Variants in SPATC1 observed in about 807,000 individuals in gnomAD.
SPATC1 encodes speriolin.
SPATC1 carries 35 observed loss-of-function variants against 36.5 expected under a neutral mutation model. The observed-to-expected ratio is 0.96, with a 90% CI of 0.73 to 1.27. The LOEUF (loss-of-function observed/expected upper bound fraction) is 1.27, where lower values mean the gene tolerates loss of function less well. Ranked by LOEUF, SPATC1 falls within the 50% of genes most tolerant of loss-of-function variation. The pLI is 0.00. For missense variants in SPATC1, 779 were observed against 796.0 expected, an observed-to-expected ratio of 0.98 and a Z score of 0.26; for synonymous variants, 361 against 353.6, an observed-to-expected ratio of 1.02 and a Z score of -0.24.
chr8:144,039,653 T>C (rs1256682810), intron 1 of SPATC1, among the ~76,000 whole-genome samples: 1 of 152,008 alleles, frequency 6.6e-6, no homozygotes, highest in Non-Finnish European at 1.5e-5. Context: ...GACCCAAAAA[T>C]CAGGGCTGGA....
At position 144,041,232 on chromosome 8, in the gene SPATC1, A is replaced by G. The variant is rs1835089310; in HGVS notation, c.1307A>G (p.Glu436Gly). The G allele has an allele frequency of 6.2e-7, 1 of 1,613,274 alleles. No individual in the cohort carries two copies. Reference protein sequence around the residue: ...KTSKFPENPRESKQLAWERLV... With the variant: ...KTSKFPENPRGSKQLAWERLV... ...GGCTGACGAGACCCTGTGTCCCCAG[A>G]GTCGAAGCAGCTGGCCTGGGAGAGG... Residue 436 changes from glutamate (E) to glycine (G), a missense_variant and splice_region_variant, in exon 4 of 5, where the codon GAG (glutamate) becomes GGG (glycine). Physicochemically the swap from Glu to Gly is moderately conservative, Grantham distance 98. Transcript: ENST00000377470.
At chr8:144,039,125 T>C (rs979984299) in intron 1 of SPATC1, among the ~76,000 whole-genome samples, 1 of 152,158 alleles carries the variant, frequency 6.6e-6, no homozygotes, top group Non-Finnish European at 1.5e-5. Flanking sequence ...AAAGTGGAAG[T>C]TCTCAATGAA....
chr8:144,041,171 G>T (rs1835087021), intron 3 of SPATC1, 61 bp from the exon 4 acceptor site: 2 of 1,600,150 alleles, frequency 1.2e-6, no homozygotes, highest in Non-Finnish European at 1.7e-6. Flanking sequence ...CGCCTGCCTG[G>T]GCTGCTGAGC....
In SPATC1 at chr8:144,046,578, G is replaced by A; in HGVS notation, c.1447-49G>A. ...CTCGGTCTTCCCCTTACCTGCCTGT[G>A]TGTGGAGGTGTGGCAAGGGAGGGTC... is the stretch of plus-strand genomic sequence containing the variant. On this transcript the variant is annotated intron_variant, in intron 4 of 4. Transcript: ENST00000377470. The surrounding 1 kb of genome is among the most constrained non-coding windows in gnomAD (Gnocchi z 6.6). The A allele has an allele frequency of 2.0e-6, 3 of 1,537,774 alleles. No homozygotes were observed. The highest frequency in any genetic ancestry group is 1.2e-5 in the South Asian group (1 of 84,916).
Position 144,046,874 on chromosome 8 carries a change from G to A in SPATC1, c.1694G>A (p.Gly565Asp). ...QRVVVETVHP[G>D]MLADALLLLS... ...GTGGTGGTGGAGACCGTGCACCCCG[G>A]CATGCTCGCCGACGCGCTGCTGCTG... The change falls in exon 5 of 5, where the codon GGC becomes GAC. Residue 565 changes from glycine (G) to aspartate (D), a missense_variant. Coordinates refer to ENST00000377470, the MANE Select transcript of SPATC1 (RefSeq NM_198572.3). This position sits in a 1 kb window ranked among gnomAD's most constrained non-coding sequence, Gnocchi z 6.6. 12 of 1,600,500 alleles carry A rather than the reference G, an allele frequency of 7.5e-6. No individual in the cohort carries two copies. Among genetic ancestry groups the A allele is most frequent in the Non-Finnish European group, 9.3e-6 (11 of 1,179,806 alleles).
At chr8:144,025,046 C>T (rs1834648418) in intron 1 of SPATC1, among the ~76,000 whole-genome samples, 1 of 151,026 alleles carries the variant, frequency 6.6e-6, no homozygotes, top group Non-Finnish European at 1.5e-5. Context: ...GGACCCTCTC[C>T]CCCTAGGACC....
chr8:144,029,733 T>C (rs975611363), intron 1 of SPATC1, among the ~76,000 whole-genome samples: 2 of 152,228 alleles, frequency 1.3e-5, no homozygotes, highest in South Asian at 2.1e-4. Context: ...TTGTGATCCA[T>C]CCTGGAGAAT....
At position 144,046,749 on chromosome 8, in the gene SPATC1, G is replaced by C; in HGVS notation, c.1569G>C (p.Ala523=). 4 of 1,611,880 alleles carry C rather than the reference G, an allele frequency of 2.5e-6. No individual in the cohort carries two copies. Among genetic ancestry groups the C allele is most frequent in the Non-Finnish European group, 3.4e-6 (4 of 1,179,990 alleles). Residue 523 remains alanine (A), a synonymous_variant, in exon 5 of 5, where the codon GCG becomes GCC. Transcript: ENST00000377470. This position sits in a 1 kb window ranked among gnomAD's most constrained non-coding sequence, Gnocchi z 6.6. The stretch of plus-strand genomic sequence containing the variant: ...GCTACAACGGGCGGGTGCACCCTGC[G>C]CTGACCGAGCAGCTGGTGAACGCTT... ...SLGYNGRVHP[A]LTEQLVNAYG... is the part of the protein sequence containing the mutation.
At chr8:144,021,093 C>T (rs1251765445) in intron 1 of SPATC1, among the ~76,000 whole-genome samples, 5 of 118 alleles carry the variant, frequency 0.042, 1 homozygote, top group Admixed American at 0.083. Flanking sequence ...CCCAGGACCC[C>T]ATCCCCTCAT....
In SPATC1 at chr8:144,041,033, C is replaced by T. The variant is rs781835810; in HGVS notation, c.1232C>T (p.Ser411Leu). 2.5e-5 allele frequency: 40 copies of T among 1,610,722 alleles called. No homozygotes were observed. Among genetic ancestry groups the T allele is most frequent in the South Asian group, 2.4e-4 (22 of 90,768 alleles). ...DSRGPRTTEPSTKSMMEVERK... is the reference protein window; with the variant it reads ...DSRGPRTTEPLTKSMMEVERK... ...CGAGGTCCACGCACCACAGAACCGT[C>T]GACGAAGAGCATGATGGAGGTGGAA... is the stretch of plus-strand genomic sequence containing the variant. The change falls in exon 3 of 5, where the codon TCG becomes TTG. Residue 411 changes from serine (S) to leucine (L), a missense_variant. Ser to Leu is a moderately radical substitution (Grantham distance 145). Transcript: ENST00000377470.
At chr8:144,024,328 C>T (rs1834627735) in intron 1 of SPATC1, among the ~76,000 whole-genome samples, 1 of 142,948 alleles carries the variant, frequency 7.0e-6, no homozygotes, top group African/African-American at 2.6e-5. Context: ...CCCAGGACCG[C>T]CTTCTTTCAG....
At position 144,012,721 on chromosome 8, in the gene SPATC1, A is replaced by G. The variant is rs377687874; in HGVS notation, c.206A>G (p.Asn69Ser). ...ACAGCAGGCCTTTCCTCACGCCAGAACAATGGTAAGAGGCCTCGCTCCCAA... is the reference window on the plus strand; with the variant it reads ...ACAGCAGGCCTTTCCTCACGCCAGAGCAATGGTAAGAGGCCTCGCTCCCAA... Reference protein sequence around the residue: ...EATAGLSSRQNNGVFLPPSPA... With the variant: ...EATAGLSSRQSNGVFLPPSPA... The change falls in exon 1 of 5, where the codon AAC becomes AGC. Residue 69 changes from asparagine (N) to serine (S), a missense_variant. Physicochemically the swap from Asn to Ser is conservative, Grantham distance 46. Coordinates refer to ENST00000377470, the MANE Select transcript of SPATC1 (RefSeq NM_198572.3). 3 of 1,551,714 alleles carry G rather than the reference A, an allele frequency of 1.9e-6. No individual in the cohort carries two copies. The highest frequency in any genetic ancestry group is 2.6e-6 in the Non-Finnish European group (3 of 1,146,980).
intron 1 of SPATC1, among the ~76,000 whole-genome samples, 164 bp from the exon 2 acceptor site, chr8:144,039,745 C>A (rs1055443320): frequency 2.6e-5 from 4 of 152,158 alleles, no homozygotes; most frequent in Non-Finnish European, 5.9e-5. Flanking sequence ...ACCACCCTGG[C>A]CTGCCTAAGA....
rs567229953 is a variant in SPATC1 at position 144,046,888 on chromosome 8, G to C, written c.1708G>C (p.Ala570Pro). ...CGTGCACCCCGGCATGCTCGCCGAC[G>C]CGCTGCTGCTGCTCTCCTGCCTCAG... ...ETVHPGMLAD[A>P]LLLLSCLSQL... The change falls in exon 5 of 5, where the codon GCG (alanine) becomes CCG (proline). Residue 570 changes from alanine (A) to proline (P), a missense_variant. Transcript: ENST00000377470. This position sits in a 1 kb window ranked among gnomAD's most constrained non-coding sequence, Gnocchi z 6.6. 1 of 1,599,550 alleles carries C rather than the reference G, an allele frequency of 6.3e-7. No individual in the cohort carries two copies. Among genetic ancestry groups the C allele is most frequent in the African/African-American group, 1.3e-5 (1 of 74,932 alleles).
At position 144,034,244 on chromosome 8, in the gene SPATC1, C is replaced by T. The variant is rs1376431642; in HGVS notation, c.212-5665C>T. On this transcript the variant is annotated intron_variant, in intron 1 of 4. Transcript: ENST00000377470. ...TGCCACCAAGAGGACTGGGCATGCA[C>T]GGGCCTCCATAGCACAGGCTGGGAA... Among the ~76,000 whole-genome samples, 5 of 152,254 alleles carry T rather than the reference C, an allele frequency of 3.3e-5. No individual in the cohort carries two copies. In the South Asian group the frequency reaches 6.2e-4, roughly 19 times the overall value.
At position 144,046,813 on chromosome 8, in the gene SPATC1, G is replaced by A. The variant is rs1554756875; in HGVS notation, c.1633G>A (p.Glu545Lys). Residue 545 changes from glutamate (E) to lysine (K), a missense_variant, in exon 5 of 5, where the codon GAG becomes AAG. Coordinates refer to ENST00000377470, the MANE Select transcript of SPATC1 (RefSeq NM_198572.3). This position sits in a 1 kb window ranked among gnomAD's most constrained non-coding sequence, Gnocchi z 6.6. ...LRERPELAAS[E>K]GGPYTVDFLQ... is the part of the protein sequence containing the mutation. ...AGAGCGCCCGGAGCTGGCGGCGTCT[G>A]AGGGCGGCCCCTACACCGTGGACTT... 1 of 1,605,484 alleles carries A rather than the reference G, an allele frequency of 6.2e-7. No homozygotes were observed. Among genetic ancestry groups the A allele is most frequent in the Non-Finnish European group, 8.5e-7 (1 of 1,179,924 alleles).
chr8:144,018,367 T>C (rs1834432788), intron 1 of SPATC1, among the ~76,000 whole-genome samples: 1 of 152,128 alleles, frequency 6.6e-6, no homozygotes, highest in Non-Finnish European at 1.5e-5. Context: ...ATGGAGATAC[T>C]TAATTCAAGG....
intron 1 of SPATC1, among the ~76,000 whole-genome samples, chr8:144,034,503 AAAG>A (rs1834859651): frequency 6.6e-6 from 1 of 152,182 alleles, no homozygotes; most frequent in East Asian, 1.9e-4. Flanking sequence ...ATGAAAATAT[AAAG>A]AAGAAAAAAA....
rs139065929 is a variant in SPATC1 at position 144,046,981 on chromosome 8, C to G, written c.*25C>G. ...ACGCTGGAGCTGGGAGGTCCAGGCT[C>G]GCTCAGCCCCACAGCCCTGTGCACG... On this transcript the variant is annotated 3_prime_UTR_variant, in exon 5 of 5. Transcript: ENST00000377470. The surrounding 1 kb of genome is among the most constrained non-coding windows in gnomAD (Gnocchi z 6.6). The G allele has an allele frequency of 4.5e-4, 707 of 1,583,194 alleles. 1 individual carries two copies. The highest frequency in any genetic ancestry group is 1.3e-3 in the Middle Eastern group (7 of 5,548).
Sources: gnomAD v4.1 joint callset for allele counts (sites outside exome capture counted in the v4.1 genomes callset) on GRCh38, gnomAD v4.1.1 for gene constraint, Gnocchi (gnomAD v3.1) non-coding constraint, MANE v1.5 for transcripts, NCBI Gene and HGNC (gene_info 2026-07-23, HGNC 2026-07-21) for gene names.